The following RP1 variants were observed in gnomAD, a reference collection of about 807,000 sequenced individuals.
RP1 encodes the protein RP1 axonemal microtubule associated.
In RP1, 16 loss-of-function variants were observed where a neutral mutation model predicts 14.8. That is an observed-to-expected ratio of 1.08 (90% CI 0.73 to 1.65). The LOEUF (loss-of-function observed/expected upper bound fraction) is 1.65. Ranked by LOEUF, RP1 falls within the 40% of genes most tolerant of loss-of-function variation. The pLI is 0.00. For synonymous variants in RP1, 876 were observed against 883.6 expected (o/e 0.99, Z 0.15); for missense variants, 2,631 against 2,535.0 (o/e 1.04, Z -0.81).
chr8:54,572,732 ACTC>A (rs1804550240), intron 1 of RP1, among the ~76,000 whole-genome samples: 1 of 152,086 alleles, frequency 6.6e-6, no homozygotes, highest in Admixed American at 6.5e-5. Flanking sequence ...CTCAATGTCT[ACTC>A]CTTGCAAGAG....
At chr8:54,692,809 C>A (rs1187043872) in intron 12 of RP1, among the ~76,000 whole-genome samples, 1 of 151,626 alleles carries the variant, frequency 6.6e-6, no homozygotes, top group Non-Finnish European at 1.5e-5. Context: ...TGTGCAGAAG[C>A]TCTTTAGTTT....
At chr8:54,756,810 T>G (rs570069759) in intron 21 of RP1, among the ~76,000 whole-genome samples, 1 of 152,296 alleles carries the variant, frequency 6.6e-6, no homozygotes, top group Admixed American at 6.5e-5. Flanking sequence ...GCATGTATCA[T>G]TTTGCAGCAG....
intron 26 of RP1, among the ~76,000 whole-genome samples, chr8:54,856,672 G>T (rs1158540592): frequency 6.6e-6 from 1 of 152,098 alleles, no homozygotes; most frequent in Non-Finnish European, 1.5e-5. Context: ...CTGTTGTGAG[G>T]ATTCAATGAG....
chr8:54,562,500 C>A (rs570332773), intron 1 of RP1, among the ~76,000 whole-genome samples: 1 of 152,074 alleles, frequency 6.6e-6, no homozygotes, highest in African/African-American at 2.4e-5. Context: ...AGGATGAAAC[C>A]CTGTTGCTAC....
At chr8:54,702,199 T>C (rs1808037979) in intron 14 of RP1, among the ~76,000 whole-genome samples, 1 of 152,200 alleles carries the variant, frequency 6.6e-6, no homozygotes, top group African/African-American at 2.4e-5. Flanking sequence ...TGACAAATGC[T>C]ATCTGTATTT....
chr8:54,776,350 T>C (rs896185982), intron 23 of RP1, among the ~76,000 whole-genome samples: 1 of 152,168 alleles, frequency 6.6e-6, no homozygotes, highest in Non-Finnish European at 1.5e-5. Flanking sequence ...TATGTGCATA[T>C]GCCACCACGC....
At chr8:54,652,983 C>T in intron 5 of RP1, 1 of 647,058 alleles carries the variant, frequency 1.5e-6, no homozygotes, top group East Asian at 2.8e-5. Flanking sequence ...TTAGCCAGTG[C>T]TTTCTTCAAG....
intron 24 of RP1, among the ~76,000 whole-genome samples, chr8:54,812,156 G>A (rs1368842815): frequency 6.6e-6 from 1 of 152,102 alleles, no homozygotes; most frequent in African/African-American, 2.4e-5. Context: ...TTTTATTTAT[G>A]TAGACACAGA....
chr8:54,826,841 T>C (rs1467178603), intron 24 of RP1, among the ~76,000 whole-genome samples: 7 of 152,220 alleles, frequency 4.6e-5, no homozygotes, highest in African/African-American at 1.7e-4. Flanking sequence ...GGTAATTTTG[T>C]CATTGTGTAA....
At chr8:54,703,840 C>T (rs973472218) in intron 14 of RP1, among the ~76,000 whole-genome samples, 4 of 152,146 alleles carry the variant, frequency 2.6e-5, no homozygotes, top group East Asian at 3.9e-4. Flanking sequence ...TGTTATGTTA[C>T]GAAGATGGCT....
chr8:54,621,316 T>C lies in RP1; in HGVS notation c.350T>C (p.Leu117Pro), dbSNP rs1476427137. 2.5e-6 allele frequency: 4 copies of C among 1,613,166 alleles called. No homozygotes were observed. The highest frequency in any genetic ancestry group is 1.3e-5 in the African/African-American group (1 of 75,018). Residue 117 changes from leucine (L) to proline (P), a missense_variant, in exon 2 of 4, where the codon CTG (leucine) becomes CCG (proline). Coordinates refer to ENST00000220676, the MANE Select transcript of RP1 (RefSeq NM_006269.2). ...SHGRKVQPVD[L>P]DKARRRPRPW... ...GGCAGGAAGGTGCAGCCTGTAGACC[T>C]GGACAAAGCCCGTCGGCGCCCGCGG...
chr8:54,685,942 C>T (rs144359331), intron 12 of RP1, among the ~76,000 whole-genome samples: 1 of 152,146 alleles, frequency 6.6e-6, no homozygotes, highest in East Asian at 1.9e-4. Flanking sequence ...AAGAACTGGC[C>T]CTGACAGCCC....
intron 24 of RP1, among the ~76,000 whole-genome samples, chr8:54,827,973 T>A (rs1811424625): frequency 6.6e-6 from 1 of 152,090 alleles, no homozygotes; most frequent in African/African-American, 2.4e-5. Flanking sequence ...ATGGACACAT[T>A]AGCCTAGGCC....
intron 5 of RP1, among the ~76,000 whole-genome samples, chr8:54,654,357 T>A (rs1806713570): frequency 6.6e-6 from 1 of 152,172 alleles, no homozygotes; most frequent in Non-Finnish European, 1.5e-5. Context: ...AAACTTAATC[T>A]TGATTTTTTT....
chr8:54,871,019 T>C (rs574688247), exon 29 of RP1: 1 of 152,156 alleles, frequency 6.6e-6, no homozygotes, highest in Non-Finnish European at 1.5e-5. Flanking sequence ...AAATCTTGCA[T>C]ACCACCTTCA....
chr8:54,784,456 C>G (rs965570632), intron 24 of RP1, among the ~76,000 whole-genome samples: 3 of 152,014 alleles, frequency 2.0e-5, no homozygotes, highest in African/African-American at 7.2e-5. Flanking sequence ...AAATAGAACA[C>G]TTTGGTAGTG....
chr8:54,583,001 T>C (rs1482734979), intron 1 of RP1, among the ~76,000 whole-genome samples: 1 of 152,222 alleles, frequency 6.6e-6, no homozygotes, highest in East Asian at 1.9e-4. Context: ...TTCCTTCTCC[T>C]GCCTGATTGC....
At chr8:54,585,796 T>G (rs1804907035) in intron 1 of RP1, among the ~76,000 whole-genome samples, 1 of 152,272 alleles carries the variant, frequency 6.6e-6, no homozygotes. Flanking sequence ...AATCGGCTAC[T>G]GAGGCTTGTG....
At chr8:54,572,821 C>CT (rs1408702041) in intron 1 of RP1, among the ~76,000 whole-genome samples, 1 of 152,148 alleles carries the variant, frequency 6.6e-6, no homozygotes, top group Non-Finnish European at 1.5e-5. Flanking sequence ...TCCCACCCTG[C>CT]TGGGCTGGTG....
Sources: allele counts gnomAD v4.1 joint callset (sites outside exome capture counted in the v4.1 genomes callset), GRCh38; gene constraint gnomAD v4.1.1; transcripts MANE v1.5; gene names NCBI Gene and HGNC (gene_info 2026-07-23, HGNC 2026-07-21).